ADGRV1: variants seen among roughly 807,000 people sequenced by gnomAD.
The protein encoded by ADGRV1 is adhesion G protein-coupled receptor V1.
Under a neutral mutation model 596.2 loss-of-function variants are expected in ADGRV1, and 359 were observed. The ratio of observed to expected loss-of-function variants is 0.60; its 90% CI spans 0.55 to 0.66. ADGRV1 has a LOEUF of 0.66. Ranked by LOEUF, ADGRV1 falls within the 30% of genes least tolerant of loss-of-function variation. ADGRV1 has a pLI of 0.00. For synonymous variants in ADGRV1, 2,681 were observed against 2,679.2 expected, an observed-to-expected ratio of 1.00 and a Z score of -0.02; for missense variants, 7,274 against 7,575.6, an observed-to-expected ratio of 0.96 and a Z score of 1.48.
Position 91,056,613 on chromosome 5 carries a change from C to T in ADGRV1, c.18153-15834C>T, listed in dbSNP as rs373230991. Among the ~76,000 whole-genome samples the T allele has an allele frequency of 1.1e-3, 164 of 152,088 alleles. 1 individual carries two copies. The highest frequency in any genetic ancestry group is 3.6e-3 in the African/African-American group (151 of 41,466). On this transcript the variant is annotated intron_variant, in intron 85 of 89. Coordinates refer to ENST00000405460, the MANE Select transcript of ADGRV1 (RefSeq NM_032119.4). ...AAATGCCCAATGACAGTAGAATGGT[C>T]GTCATTGGGTTCTTTGGCAACGTCT... is the stretch of plus-strand genomic sequence containing the variant.
chr5:90,565,377 T>C (rs1319654041), intron 1 of ADGRV1, among the ~76,000 whole-genome samples: 1 of 152,228 alleles, frequency 6.6e-6, no homozygotes, highest in Non-Finnish European at 1.5e-5. Context: ...ACCAGTAATC[T>C]ATTTTCTATC....
At chr5:90,569,385 ATATTTTT>A (rs1756190818) in intron 1 of ADGRV1, among the ~76,000 whole-genome samples, 2 of 16,488 alleles carry the variant, frequency 1.2e-4, no homozygotes, top group Non-Finnish European at 1.9e-4. Flanking sequence ...ATATATATAT[ATATTTTT>A]TTTTTTTTTT....
At chr5:91,132,406 C>A (rs563355148) in intron 87 of ADGRV1, among the ~76,000 whole-genome samples, 64 of 152,244 alleles carry the variant, frequency 4.2e-4, no homozygotes, top group African/African-American at 1.5e-3. Context: ...CTTCTCTCAT[C>A]ATTTATTCAT....
chr5:90,711,189 A>C lies in ADGRV1; in HGVS notation c.8909A>C (p.Glu2970Ala). The C allele has an allele frequency of 1.2e-6, 2 of 1,610,478 alleles. No individual in the cohort carries two copies. Among genetic ancestry groups the C allele is most frequent in the Non-Finnish European group, 1.7e-6 (2 of 1,178,428 alleles). ...GVIEWQQSRFEVNETHGSLTL... is the reference protein window; with the variant it reads ...GVIEWQQSRFAVNETHGSLTL... The stretch of plus-strand genomic sequence containing the variant: ...GTTTTTTTGCTATATTATAGGTTTG[A>C]AGTAAATGAAACCCATGGAAGTTTA... Residue 2970 changes from glutamate (E) to alanine (A), a missense_variant, in exon 41 of 90, where the codon GAA (glutamate) becomes GCA (alanine). Physicochemically the swap from Glu to Ala is moderately radical, Grantham distance 107 (BLOSUM62 -1). Coordinates refer to ENST00000405460, the MANE Select transcript of ADGRV1 (RefSeq NM_032119.4).
chr5:90,577,751 A>G (rs575509721), intron 1 of ADGRV1, among the ~76,000 whole-genome samples: 1 of 152,232 alleles, frequency 6.6e-6, no homozygotes, highest in Non-Finnish European at 1.5e-5. Flanking sequence ...ATCCATGAGC[A>G]TGGAAGGTTC....
At position 91,094,726 on chromosome 5, in the gene ADGRV1, A is replaced by G. The variant is rs1790701984; in HGVS notation, c.18311-7493A>G. On this transcript the variant is annotated intron_variant, in intron 86 of 89. Coordinates refer to ENST00000405460, the MANE Select transcript of ADGRV1 (RefSeq NM_032119.4). ...GTAAATCGGTGCGAATGGTGATACC[A>G]GTACTCAGGAGGAGGAAAAAGTGTG... Among the ~76,000 whole-genome samples the G allele has an allele frequency of 2.0e-5, 3 of 152,186 alleles. No homozygotes were observed. The South Asian group carries it at 6.2e-4, about 31-fold the overall frequency.
At chr5:91,021,888 T>C (rs927102019) in intron 85 of ADGRV1, among the ~76,000 whole-genome samples, 3 of 152,124 alleles carry the variant, frequency 2.0e-5, no homozygotes, top group Admixed American at 2.0e-4. Context: ...AGCTGCTTCC[T>C]GTGAGCAAAG....
At chr5:91,042,817 A>G (rs1785478299) in intron 85 of ADGRV1, among the ~76,000 whole-genome samples, 1 of 152,142 alleles carries the variant, frequency 6.6e-6, no homozygotes, top group Non-Finnish European at 1.5e-5. Context: ...CATAAATGGG[A>G]GGCACCCTAG....
At chr5:91,161,463 A>G (rs1456088410) in intron 89 of ADGRV1, among the ~76,000 whole-genome samples, 1 of 147,094 alleles carries the variant, frequency 6.8e-6, no homozygotes, top group African/African-American at 2.5e-5. Context: ...TAATGCGGAA[A>G]TGCAGGCCCA....
At chr5:90,895,215 T>A (rs920686198) in intron 83 of ADGRV1, among the ~76,000 whole-genome samples, 1 of 152,162 alleles carries the variant, frequency 6.6e-6, no homozygotes, top group Non-Finnish European at 1.5e-5. Flanking sequence ...GTAACCATGT[T>A]CACAGTGGTA....
intron 28 of ADGRV1, 92 bp downstream of exon 28, chr5:90,684,287 A>T (rs947618403): frequency 6.6e-6 from 8 of 1,208,086 alleles, no homozygotes; most frequent in Non-Finnish European, 8.9e-6. Context: ...AATTCTATAA[A>T]AAGTAGTAAA....
intron 85 of ADGRV1, among the ~76,000 whole-genome samples, chr5:91,045,049 T>C (rs1222667954): frequency 6.6e-6 from 1 of 152,044 alleles, no homozygotes; most frequent in Non-Finnish European, 1.5e-5. Context: ...GAAGAGAACA[T>C]TCCATGCATG....
intron 34 of ADGRV1, among the ~76,000 whole-genome samples, chr5:90,698,830 A>T (rs1196175313): frequency 1.3e-5 from 2 of 152,130 alleles, no homozygotes; most frequent in African/African-American, 2.4e-5. Context: ...GGCAGGGAGA[A>T]ACCAGGGAGA....
intron 60 of ADGRV1, among the ~76,000 whole-genome samples, chr5:90,775,554 G>T (rs773704838): frequency 5.9e-5 from 9 of 152,132 alleles, no homozygotes; most frequent in Admixed American, 6.6e-5. Flanking sequence ...ACAGATTCCT[G>T]CAGCCTTGAA....
chr5:90,887,993 CAG>C (rs1397339886), intron 83 of ADGRV1, among the ~76,000 whole-genome samples: 3 of 152,166 alleles, frequency 2.0e-5, no homozygotes, highest in African/African-American at 7.2e-5. Context: ...CATTTCCCTA[CAG>C]AGTCTAACTC....
Position 90,642,696 on chromosome 5 carries a change from G to C in ADGRV1, c.2301G>C (p.Leu767Phe). Residue 767 changes from leucine to phenylalanine, a missense_variant, in exon 12 of 90, where the codon TTG becomes TTC. Physicochemically the swap from Leu to Phe is conservative, Grantham distance 22. Around this residue, in one of 5 missense-constraint regions of ADGRV1, gnomAD observed 1,715 missense variants for 1,708.8 expected, o/e 1.00. Coordinates refer to ENST00000405460, the MANE Select transcript of ADGRV1 (RefSeq NM_032119.4). ...ATACTAGCCGTGACCTAATTATTTT[G>C]GAAAATGATGACCCTGGGGGAGTTT... ...SGYTSRDLII[L>F]ENDDPGGVFE... The C allele has an allele frequency of 6.2e-7, 1 of 1,613,472 alleles. No individual in the cohort carries two copies.
intron 87 of ADGRV1, among the ~76,000 whole-genome samples, chr5:91,139,338 G>A (rs1794911550): frequency 6.6e-6 from 1 of 152,134 alleles, no homozygotes; most frequent in East Asian, 1.9e-4. Flanking sequence ...TAGAAGCCCA[G>A]TATATATGTA....
intron 17 of ADGRV1, among the ~76,000 whole-genome samples, chr5:90,650,937 G>A (rs748258278): frequency 6.6e-6 from 1 of 152,176 alleles, no homozygotes; most frequent in Non-Finnish European, 1.5e-5. Context: ...CTGTGCAACA[G>A]CTGGAGTAAA....
At chr5:91,104,932 TCA>T (rs1791724247) in intron 87 of ADGRV1, among the ~76,000 whole-genome samples, 1 of 147,194 alleles carries the variant, frequency 6.8e-6, no homozygotes, top group Admixed American at 7.0e-5. Flanking sequence ...CGAACTCAGC[TCA>T]CTGCAACCTC....
Sources: allele counts gnomAD v4.1 joint callset (sites outside exome capture counted in the v4.1 genomes callset), GRCh38; gene constraint gnomAD v4.1.1; regional missense constraint gnomAD v4.1.1; transcripts MANE v1.5; gene names NCBI Gene and HGNC (gene_info 2026-07-23, HGNC 2026-07-21).